Variants in RBBP9 observed in about 807,000 individuals in gnomAD.
RBBP9 encodes the protein RB binding protein 9, serine hydrolase, also known as serine hydrolase RBBP9.
RBBP9 carries 20 observed loss-of-function variants against 24.2 expected under a neutral mutation model. The observed-to-expected ratio is 0.83, with a 90% CI of 0.58 to 1.20. The LOEUF is 1.20. Ranked by LOEUF, RBBP9 falls within the 50% of genes most tolerant of loss-of-function variation. RBBP9 has a pLI of 0.00. For synonymous variants in RBBP9, 74 were observed against 84.6 expected, an observed-to-expected ratio of 0.87 and a Z score of 0.69; for missense variants, 234 against 233.6, an observed-to-expected ratio of 1.00 and a Z score of -0.01.
chr20:18,495,850 T>A lies in RBBP9; in HGVS notation c.130A>T (p.Met44Leu). The A allele has an allele frequency of 6.4e-7, 1 of 1,572,822 alleles. No individual in the cohort carries two copies. The highest frequency in any genetic ancestry group is 8.7e-7 in the Non-Finnish European group (1 of 1,145,088). Residue 44 changes from methionine to leucine, a missense_variant, in exon 2 of 5, where the codon ATG (methionine) becomes TTG (leucine). By Grantham distance (15) the Met-to-Leu change is conservative. Transcript: ENST00000337227. ...IPGFQCLAKNMPDPITARESI... is the reference protein window; with the variant it reads ...IPGFQCLAKNLPDPITARESI... ...GTTTAAAACTTACTTGGGTCGGGCA[T>A]GTTTTTAGCCAAACACTGGAAACCA...
chr20:18,492,812 A>C (rs1178011012), intron 3 of RBBP9, among the ~76,000 whole-genome samples: 1 of 152,248 alleles, frequency 6.6e-6, no homozygotes, highest in Non-Finnish European at 1.5e-5. Context: ...GATCTTTAAA[A>C]GCAGGCACAC....
intron 3 of RBBP9, among the ~76,000 whole-genome samples, chr20:18,492,465 A>T (rs997537501): frequency 5.3e-5 from 8 of 152,254 alleles, no homozygotes; most frequent in African/African-American, 1.9e-4. Flanking sequence ...TTTCCTCCTA[A>T]CTAGACTGAG....
Position 18,489,646 on chromosome 20 carries a change from G to T in RBBP9, c.*118C>A. On this transcript the variant is annotated 3_prime_UTR_variant, in exon 5 of 5. Transcript: ENST00000337227. Reference sequence around the variant, plus strand: ...ACTTAGATTGAATGTTGAAACTTGTGTTTGTTTTTCAGGCACTTACGGAAC... The same window carrying T: ...ACTTAGATTGAATGTTGAAACTTGTTTTTGTTTTTCAGGCACTTACGGAAC... The T allele has an allele frequency of 1.5e-6, 1 of 662,708 alleles. No homozygotes were observed. The highest frequency in any genetic ancestry group is 2.6e-6 in the Non-Finnish European group (1 of 388,324). 41.1% of individuals were successfully genotyped at this position (662,708 alleles called of 1,614,324 possible). A position where few individuals can be genotyped will look rare whatever the true frequency, so the allele number is the denominator to read the frequency against.
intron 1 of RBBP9, among the ~76,000 whole-genome samples, chr20:18,496,569 G>A (rs2059887508): frequency 2.6e-5 from 4 of 152,118 alleles, no homozygotes; most frequent in Admixed American, 2.6e-4. Context: ...GATGGCACGG[G>A]ACTGAGATGG....
In RBBP9 at chr20:18,488,793, CACAG is replaced by C. The variant is rs1490527116; in HGVS notation, c.*967_*970del. 1.3e-5 allele frequency: 2 copies of C among 152,212 alleles called. No homozygotes were observed. Among genetic ancestry groups the C allele is most frequent in the Non-Finnish European group, 2.9e-5 (2 of 68,038 alleles). 9.4% of individuals were successfully genotyped at this position (152,212 alleles called of 1,614,324 possible). The stretch of plus-strand genomic sequence containing the variant: ...GTTATCTTAGTCTTTTCTCAGACTT[CACAG>C]ACAATTATCTAAAAGCCCCTGGCTA... On this transcript the variant is annotated 3_prime_UTR_variant, in exon 5 of 5. Coordinates refer to ENST00000337227, the MANE Select transcript of RBBP9 (RefSeq NM_006606.3).
At position 18,486,638 on chromosome 20, in the gene RBBP9, T is replaced by C. The variant is rs2059845487; in HGVS notation, c.*3126A>G. On this transcript the variant is annotated 3_prime_UTR_variant, in exon 5 of 5. Transcript: ENST00000337227. ...CTCTGATGAATAGTTAAATGGATCA[T>C]TTATCCTACAGGGATAAACTGTAAC... 1 of 152,190 alleles carries C rather than the reference T, an allele frequency of 6.6e-6. No individual in the cohort carries two copies. Among genetic ancestry groups the C allele is most frequent in the African/African-American group, 2.4e-5 (1 of 41,456 alleles). The allele number at this position is 152,190 out of a possible 1,614,324, so 9.4% of individuals were successfully genotyped here. A position where few individuals can be genotyped will look rare whatever the true frequency, so the allele number is the denominator to read the frequency against.
At chr20:18,491,328 G>A (rs1276459090) in intron 3 of RBBP9, among the ~76,000 whole-genome samples, 2 of 152,164 alleles carry the variant, frequency 1.3e-5, no homozygotes, top group African/African-American at 4.8e-5. Flanking sequence ...TCAATAAATT[G>A]TCAGCTCCTT....
intron 1 of RBBP9, among the ~76,000 whole-genome samples, chr20:18,496,320 G>A (rs1306189020): frequency 6.6e-6 from 1 of 152,182 alleles, no homozygotes; most frequent in African/African-American, 2.4e-5. Context: ...CAGCCACAGC[G>A]CTGCAATCTA....
At position 18,489,827 on chromosome 20, in the gene RBBP9, A is replaced by C. The variant is rs1260771046; in HGVS notation, c.498T>G (p.Phe166Leu). The change falls in exon 5 of 5, where the codon TTT becomes TTG. Residue 166 changes from phenylalanine to leucine, a missense_variant. Physicochemically the swap from Phe to Leu is conservative, Grantham distance 22 (BLOSUM62 0). Transcript: ENST00000337227. ...TCAGTTCATGAAACTCTGTGTTCTGAAAGTGGCCACAGTCAGTGAATTTGT... is the reference window on the plus strand; with the variant it reads ...TCAGTTCATGAAACTCTGTGTTCTGCAAGTGGCCACAGTCAGTGAATTTGT... ...KLHKFTDCGH[F>L]QNTEFHELIT... 3 of 1,613,920 alleles carry C rather than the reference A, an allele frequency of 1.9e-6. No homozygotes were observed. The highest frequency in any genetic ancestry group is 2.5e-6 in the Non-Finnish European group (3 of 1,179,908).
intron 2 of RBBP9, among the ~76,000 whole-genome samples, chr20:18,494,300 T>TTC (rs397722346): frequency 8.2e-6 from 1 of 121,914 alleles, no homozygotes; most frequent in Non-Finnish European, 1.8e-5. Flanking sequence ...TTTTTTTTTT[T>TTC]GGTTTACCAT....
chr20:18,490,034 T>A lies in RBBP9; in HGVS notation c.335-44A>T, dbSNP rs953784165. Reference sequence around the variant, plus strand: ...GATCTTTCAGTACCCATGGATAATCTCCCTTCTAGATATTCTAAAATACCT... The same window carrying A: ...GATCTTTCAGTACCCATGGATAATCACCCTTCTAGATATTCTAAAATACCT... On this transcript the variant is annotated intron_variant, in intron 4 of 4. Transcript: ENST00000337227. 8 of 1,375,812 alleles carry A rather than the reference T, an allele frequency of 5.8e-6. No homozygotes were observed. The African/African-American group carries it at 1.1e-4, about 20-fold the overall frequency. The allele number at this position is 1,375,812 out of a possible 1,614,324, so 85.2% of individuals were successfully genotyped here. A position where few individuals can be genotyped will look rare whatever the true frequency, so the allele number is the denominator to read the frequency against.
chr20:18,493,179 A>G (rs2059871803), intron 3 of RBBP9, among the ~76,000 whole-genome samples: 1 of 152,206 alleles, frequency 6.6e-6, no homozygotes, highest in Admixed American at 6.5e-5. Flanking sequence ...GTCCCTACCC[A>G]CTAGGCCTTA....
Position 18,495,807 on chromosome 20 carries a change from G to A in RBBP9, c.142+31C>T, listed in dbSNP as rs750643721. The A allele has an allele frequency of 2.6e-6, 4 of 1,529,874 alleles. No individual in the cohort carries two copies. The Admixed American group carries it at 5.0e-5, about 19-fold the overall frequency. The allele number at this position is 1,529,874 out of a possible 1,614,324, so 94.8% of individuals were successfully genotyped here. A position where few individuals can be genotyped will look rare whatever the true frequency, so the allele number is the denominator to read the frequency against. Reference sequence around the variant, plus strand: ...TGGTAATATCAAAACCCAACAAGATGAGGCTATTTAAAAACAAGTTTAAAA... The same window carrying A: ...TGGTAATATCAAAACCCAACAAGATAAGGCTATTTAAAAACAAGTTTAAAA... On this transcript the variant is annotated intron_variant, in intron 2 of 4. Transcript: ENST00000337227.
intron 3 of RBBP9, among the ~76,000 whole-genome samples, chr20:18,491,393 C>A (rs1220374177): frequency 6.6e-6 from 1 of 152,172 alleles, no homozygotes; most frequent in African/African-American, 2.4e-5. Context: ...ATTACAGTGC[C>A]TGGCAAGTAG....
At chr20:18,491,594 G>A (rs1195203386) in intron 3 of RBBP9, among the ~76,000 whole-genome samples, 1 of 152,082 alleles carries the variant, frequency 6.6e-6, no homozygotes, top group Non-Finnish European at 1.5e-5. Flanking sequence ...AGCCAGTAGA[G>A]TGAGTCTCCT....
intron 3 of RBBP9, 49 bp from the exon 4 acceptor site, chr20:18,490,529 C>A: frequency 7.1e-7 from 1 of 1,398,942 alleles, no homozygotes; most frequent in South Asian, 1.2e-5. Flanking sequence ...TACCTCTGAT[C>A]ACCAAAAAGT....
rs1277432940 is a variant in RBBP9 at position 18,487,062 on chromosome 20, A to G, written c.*2702T>C. 6.6e-6 allele frequency: 1 copy of G among 152,230 alleles called. No homozygotes were observed. The highest frequency in any genetic ancestry group is 1.9e-4 in the East Asian group (1 of 5,204). 9.4% of individuals were successfully genotyped at this position (152,230 alleles called of 1,614,324 possible). A position where few individuals can be genotyped will look rare whatever the true frequency, so the allele number is the denominator to read the frequency against. ...TGGATGGTGGGTGAGGGGAAAATACAAAATATATGTCCTAGACCAATGTTG... is the reference window on the plus strand; with the variant it reads ...TGGATGGTGGGTGAGGGGAAAATACGAAATATATGTCCTAGACCAATGTTG... On this transcript the variant is annotated 3_prime_UTR_variant, in exon 5 of 5. Transcript: ENST00000337227.
rs1278065167 is a variant in RBBP9 at position 18,495,578 on chromosome 20, GATCAATAAATAAATAA to G, written c.142+244_142+259del. ...CCCTCTGCGAGAAACACCCAAGAAT[GATCAATAAATAAATAA>G]ATAAATAAATAAATAAATAAATAAA... On this transcript the variant is annotated intron_variant, in intron 2 of 4. Transcript: ENST00000337227. Among the ~76,000 whole-genome samples the G allele has an allele frequency of 1.6e-4, 9 of 56,138 alleles. No individual in the cohort carries two copies. In the East Asian group the frequency reaches 3.8e-3, roughly 24 times the overall value. The allele number at this position is 56,138 out of a possible 152,430, so 36.8% of individuals were successfully genotyped here.
At position 18,489,782 on chromosome 20, in the gene RBBP9, C is replaced by T. The variant is rs761741905; in HGVS notation, c.543G>A (p.Leu181=). The T allele has an allele frequency of 3.1e-6, 5 of 1,610,844 alleles. No homozygotes were observed. Among genetic ancestry groups the T allele is most frequent in the Non-Finnish European group, 4.2e-6 (5 of 1,177,218 alleles). The stretch of plus-strand genomic sequence containing the variant: ...ATACAGTCTATGCTGGTACTTTCAG[C>T]AAAGACTTTACAACAGTAATCAGTT... ...FHELITVVKS[L]LKVPA Residue 181 remains leucine, a synonymous_variant, in exon 5 of 5, where the codon TTG becomes TTA. Coordinates refer to ENST00000337227, the MANE Select transcript of RBBP9 (RefSeq NM_006606.3).
Sources: gnomAD v4.1 joint callset for allele counts (sites outside exome capture counted in the v4.1 genomes callset) on GRCh38, gnomAD v4.1.1 for gene constraint, MANE v1.5 for transcripts, NCBI Gene and HGNC (gene_info 2026-07-23, HGNC 2026-07-21) for gene names.